Variants in MTUS2 observed in about 807,000 individuals in gnomAD.
The protein encoded by MTUS2 is microtubule associated scaffold protein 2, also known as microtubule-associated tumor suppressor candidate 2.
In MTUS2, 40 loss-of-function variants were observed where a neutral mutation model predicts 114.1. That is an observed-to-expected ratio of 0.35 (90% CI 0.27 to 0.46). MTUS2 has a LOEUF of 0.46. Among genes scored for constraint, MTUS2 ranks in the 20% least tolerant of loss-of-function variants. MTUS2 has a pLI of 1.00. For missense variants in MTUS2, 1,679 were observed against 1,705.4 expected (o/e 0.98, Z 0.27); for synonymous variants, 688 against 672.0 (o/e 1.02, Z -0.37).
At chr13:29,211,165 G>A (rs58752163) in intron 5 of MTUS2, among the ~76,000 whole-genome samples, 10 of 152,100 alleles carry the variant, frequency 6.6e-5, no homozygotes, top group African/African-American at 2.2e-4. Context: ...GTGGAGGATG[G>A]GGGTGTGGTT....
At chr13:29,358,152 G>A (rs11842547) in intron 7 of MTUS2, among the ~76,000 whole-genome samples, 3,413 of 152,202 alleles carry the variant, frequency 0.022, 120 homozygotes, top group African/African-American at 0.077. Context: ...AGGAAAGAAC[G>A]TGCCTTTGAG....
At chr13:29,237,324 G>A (rs1292931924) in intron 5 of MTUS2, among the ~76,000 whole-genome samples, 2 of 152,128 alleles carry the variant, frequency 1.3e-5, no homozygotes, top group African/African-American at 4.8e-5. Flanking sequence ...TTCCCTAGCT[G>A]TGGGTCTGGT....
chr13:29,129,262 G>T (rs546860603), intron 5 of MTUS2, among the ~76,000 whole-genome samples: 2 of 146,854 alleles, frequency 1.4e-5, no homozygotes, highest in South Asian at 4.3e-4. Flanking sequence ...ATTTAGCTCT[G>T]TTATTTGAGA....
At chr13:28,971,912 T>TG (rs1311255437) in intron 2 of MTUS2, among the ~76,000 whole-genome samples, 9 of 152,220 alleles carry the variant, frequency 5.9e-5, no homozygotes, top group African/African-American at 2.2e-4. Context: ...AAGTAACCGA[T>TG]GCAATTCATG....
intron 5 of MTUS2, among the ~76,000 whole-genome samples, chr13:29,273,427 A>G (rs918166490): frequency 5.9e-5 from 9 of 152,342 alleles, no homozygotes; most frequent in African/African-American, 1.9e-4. Flanking sequence ...ATAGGAATAA[A>G]CACTTCACCA....
chr13:29,317,631 G>A (rs1900057041), intron 6 of MTUS2, among the ~76,000 whole-genome samples: 1 of 16,958 alleles, frequency 5.9e-5, no homozygotes, highest in Non-Finnish European at 1.6e-4. Flanking sequence ...GTAGAGACGG[G>A]GTTTCACCTT....
intron 2 of MTUS2, among the ~76,000 whole-genome samples, chr13:28,845,943 C>T (rs1875850654): frequency 6.6e-6 from 1 of 151,776 alleles, no homozygotes; most frequent in African/African-American, 2.4e-5. Flanking sequence ...TGTTGCTTCT[C>T]ACTTCCAAAT....
intron 5 of MTUS2, among the ~76,000 whole-genome samples, chr13:29,262,772 G>A (rs1897525741): frequency 6.6e-6 from 1 of 152,060 alleles, no homozygotes; most frequent in African/African-American, 2.4e-5. Flanking sequence ...AGTTAGGGAT[G>A]ACTTGAAGAT....
chr13:29,234,710 T>C (rs1323311055), intron 5 of MTUS2, among the ~76,000 whole-genome samples: 1 of 64,192 alleles, frequency 1.6e-5, no homozygotes, highest in Non-Finnish European at 2.9e-5. Flanking sequence ...TTTCCCACTA[T>C]GTAATAGTAT....
chr13:29,262,911 CTGG>C (rs2139470323), intron 5 of MTUS2, among the ~76,000 whole-genome samples: 1 of 152,278 alleles, frequency 6.6e-6, no homozygotes, highest in Non-Finnish European at 1.5e-5. Flanking sequence ...GCTGCTTCTG[CTGG>C]TGCTGGTACT....
At chr13:29,043,899 C>T (rs1216489387) in intron 4 of MTUS2, among the ~76,000 whole-genome samples, 4 of 151,884 alleles carry the variant, frequency 2.6e-5, no homozygotes, top group African/African-American at 9.7e-5. Flanking sequence ...CTATGTCTCT[C>T]CTGGCATTTG....
At chr13:29,060,343 C>G (rs1470840415) in intron 4 of MTUS2, among the ~76,000 whole-genome samples, 1 of 151,954 alleles carries the variant, frequency 6.6e-6, no homozygotes, top group Non-Finnish European at 1.5e-5. Flanking sequence ...CCAGTTTTCT[C>G]CAGTTCCTTG....
chr13:28,977,004 C>T (rs563811951), intron 2 of MTUS2, among the ~76,000 whole-genome samples: 4 of 152,216 alleles, frequency 2.6e-5, no homozygotes, highest in Non-Finnish European at 5.9e-5. Context: ...ACCCTTCCCC[C>T]CTTTGAGTTT....
chr13:29,028,763 A>G (rs980708821), intron 3 of MTUS2, among the ~76,000 whole-genome samples: 1 of 151,974 alleles, frequency 6.6e-6, no homozygotes, highest in African/African-American at 2.4e-5. Flanking sequence ...GAGGGAAGGG[A>G]TTGTTTTCAA....
intron 2 of MTUS2, among the ~76,000 whole-genome samples, chr13:28,841,738 G>A (rs1242001900): frequency 6.6e-6 from 1 of 151,874 alleles, no homozygotes; most frequent in Non-Finnish European, 1.5e-5. Context: ...CCAGGTTGGA[G>A]TGCAGCGGCG....
intron 6 of MTUS2, among the ~76,000 whole-genome samples, chr13:29,296,853 G>A (rs898029421): frequency 6.6e-6 from 1 of 152,072 alleles, no homozygotes; most frequent in Admixed American, 6.6e-5. Context: ...TTAATCTCTT[G>A]TTGGATGAAT....
chr13:29,388,585 A>G (rs570238583), intron 8 of MTUS2, among the ~76,000 whole-genome samples: 12 of 152,164 alleles, frequency 7.9e-5, no homozygotes, highest in African/African-American at 2.7e-4. Flanking sequence ...AACATTGTTT[A>G]TAATTGTCAA....
chr13:29,286,270 A>T (rs1328978164), intron 6 of MTUS2, among the ~76,000 whole-genome samples: 2 of 152,218 alleles, frequency 1.3e-5, no homozygotes, highest in East Asian at 3.8e-4. Context: ...CTATGTTTTT[A>T]AAAAGAGTCA....
rs553107000 is a variant in MTUS2, at chr13:29,269,156, A to G, written c.2645-12548A>G. 2.5e-4 allele frequency among the ~76,000 whole-genome samples: 38 copies of G among 152,340 alleles called. 2 individuals carry two copies. Among genetic ancestry groups the G allele is most frequent in the Middle Eastern group, 6.8e-3 (2 of 294 alleles). ...AGGTCAGAATTAAATTTGACAGAATATTAGCTTAACAACTGACAGTCATTC... is the reference window on the plus strand; with the variant it reads ...AGGTCAGAATTAAATTTGACAGAATGTTAGCTTAACAACTGACAGTCATTC... On this transcript the variant is annotated intron_variant, in intron 5 of 15. Coordinates refer to ENST00000612955, the MANE Select transcript of MTUS2 (RefSeq NM_001033602.4).
Sources: gnomAD v4.1 joint callset for allele counts (sites outside exome capture counted in the v4.1 genomes callset) on GRCh38, gnomAD v4.1.1 for gene constraint, MANE v1.5 for transcripts, NCBI Gene and HGNC (gene_info 2026-07-23, HGNC 2026-07-21) for gene names.